Variants in RBPMS2 observed in about 807,000 individuals in gnomAD.
RBPMS2 encodes the protein RNA-binding protein with multiple splicing 2.
In RBPMS2, 14 loss-of-function variants were observed where a neutral mutation model predicts 25.7. The observed-to-expected ratio is 0.55, with a 90% CI of 0.36 to 0.85. RBPMS2 has a LOEUF of 0.85. Ranked by LOEUF, RBPMS2 falls within the 40% of genes least tolerant of loss-of-function variation. The probability of loss-of-function intolerance (pLI) is 0.01; values close to 1 mark genes in which losing one functional copy is unlikely to be tolerated. For missense variants in RBPMS2, 252 were observed against 283.4 expected, an observed-to-expected ratio of 0.89 and a Z score of 0.80; for synonymous variants, 127 against 115.6, an observed-to-expected ratio of 1.10 and a Z score of -0.63.
chr15:64,745,591 G>A (rs888648677), intron 6 of RBPMS2, among the ~76,000 whole-genome samples: 1 of 152,188 alleles, frequency 6.6e-6, no homozygotes, highest in Non-Finnish European at 1.5e-5. Flanking sequence ...TGGGAGGACC[G>A]TGGGATGCAA....
In RBPMS2 at chr15:64,749,073, G is replaced by C. The variant is rs777339070; in HGVS notation, c.345C>G (p.Ser115Arg). Reference protein sequence around the residue: ...FAKANTKMAKSKLMATPNPSN... With the variant: ...FAKANTKMAKRKLMATPNPSN... ...TGGGATTTGGAGTTGCCATTAGCTT[G>C]CTCTTGGCCATCTTGGTGTTGGCTT... The change falls in exon 5 of 8, where the codon AGC (serine) becomes AGG (arginine). Residue 115 changes from serine (S) to arginine (R), a missense_variant. Physicochemically the swap from Ser to Arg is moderately radical, Grantham distance 110 (BLOSUM62 -1). Transcript: ENST00000300069. 62 of 1,614,078 alleles carry C rather than the reference G, an allele frequency of 3.8e-5. No homozygotes were observed. The highest frequency in any genetic ancestry group is 5.2e-5 in the Non-Finnish European group (61 of 1,180,032).
rs1403981807 is a variant in RBPMS2 at position 64,775,519 on chromosome 15, G to A, written c.-200C>T. On this transcript the variant is annotated 5_prime_UTR_variant, in exon 1 of 8. Transcript: ENST00000300069. ...TGGCGGGTGCGGAAGGTGGGGAGGG[G>A]GTGCGGCGGGGGAGGCAGTGGGAGC... 2 of 314,484 alleles carry A rather than the reference G, an allele frequency of 6.4e-6. No individual in the cohort carries two copies. 19.5% of individuals were successfully genotyped at this position (314,484 alleles called of 1,614,324 possible).
Position 64,749,432 on chromosome 15 carries a change from T to C in RBPMS2, c.266A>G (p.Asn89Ser). 4 of 1,613,230 alleles carry C rather than the reference T, an allele frequency of 2.5e-6. No individual in the cohort carries two copies. The change falls in exon 4 of 8, where the codon AAC becomes AGC. Residue 89 changes from asparagine to serine, a missense_variant and splice_region_variant. By Grantham distance (46) the Asn-to-Ser change is conservative. Transcript: ENST00000300069. Reference protein sequence around the residue: ...AGAEAAKNALNGIRFDPENPQ... With the variant: ...AGAEAAKNALSGIRFDPENPQ... ...AAGACCTGTTCTCCACCTACTCACGTTCAGCGCATTCTTGGCCGCTTCTGC... is the reference window on the plus strand; with the variant it reads ...AAGACCTGTTCTCCACCTACTCACGCTCAGCGCATTCTTGGCCGCTTCTGC...
At chr15:64,759,151 C>T (rs1321861295) in intron 1 of RBPMS2, among the ~76,000 whole-genome samples, 1 of 152,098 alleles carries the variant, frequency 6.6e-6, no homozygotes, top group Admixed American at 6.6e-5. Context: ...ACTCCCAGCT[C>T]CAGCATCGTA....
At chr15:64,743,319 G>A (rs112861502) in intron 6 of RBPMS2, among the ~76,000 whole-genome samples, 2,114 of 152,318 alleles carry the variant, frequency 0.014, 18 homozygotes, top group Non-Finnish European at 0.02. Context: ...CTACACTCTC[G>A]CTACAAGGTG....
At chr15:64,760,724 C>G (rs2083775765) in intron 1 of RBPMS2, among the ~76,000 whole-genome samples, 1 of 151,996 alleles carries the variant, frequency 6.6e-6, no homozygotes, top group African/African-American at 2.4e-5. Flanking sequence ...ATCGCTTGAA[C>G]CCAGGAGACA....
intron 2 of RBPMS2, 35 bp from the exon 3 acceptor site, chr15:64,750,416 A>G: frequency 6.2e-7 from 1 of 1,600,342 alleles, no homozygotes. Flanking sequence ...GTGGAAGGTC[A>G]GAAGCGTATG....
chr15:64,767,227 C>T (rs765037154), intron 1 of RBPMS2, among the ~76,000 whole-genome samples: 3 of 151,926 alleles, frequency 2.0e-5, no homozygotes, highest in African/African-American at 7.3e-5. Context: ...AGCCTCCTGA[C>T]AGGCTGAGAC....
At chr15:64,757,282 T>C (rs1417541926) in intron 1 of RBPMS2, among the ~76,000 whole-genome samples, 2 of 152,086 alleles carry the variant, frequency 1.3e-5, no homozygotes, top group African/African-American at 4.8e-5. Flanking sequence ...CTCAGTTTCA[T>C]CTTCACAACA....
chr15:64,751,976 T>C (rs2083686666), intron 1 of RBPMS2, among the ~76,000 whole-genome samples: 1 of 151,568 alleles, frequency 6.6e-6, no homozygotes, highest in Non-Finnish European at 1.5e-5. Context: ...TTTTCTTTTT[T>C]TTTTTTGAGA....
intron 1 of RBPMS2, among the ~76,000 whole-genome samples, chr15:64,772,859 T>G (rs1372259500): frequency 1.3e-5 from 2 of 152,290 alleles, no homozygotes; most frequent in Admixed American, 6.5e-5. Flanking sequence ...ACTTGTATCC[T>G]TAACCCCTGG....
At position 64,755,542 on chromosome 15, in the gene RBPMS2, C is replaced by A. The variant is rs532978815; in HGVS notation, c.88-3904G>T. 4.6e-5 allele frequency among the ~76,000 whole-genome samples: 7 copies of A among 152,242 alleles called. No homozygotes were observed. The East Asian group carries it at 1.4e-3, about 29-fold the overall frequency. ...TGTCAACGGCACACAGCTGAGTTCA[C>A]GGAGGAGCAGGGCTCCTGAGACCAG... On this transcript the variant is annotated intron_variant, in intron 1 of 7. Coordinates refer to ENST00000300069, the MANE Select transcript of RBPMS2 (RefSeq NM_194272.3).
At chr15:64,767,387 A>G (rs1172730301) in intron 1 of RBPMS2, among the ~76,000 whole-genome samples, 1 of 152,232 alleles carries the variant, frequency 6.6e-6, no homozygotes, top group Non-Finnish European at 1.5e-5. Context: ...ACGTGACACC[A>G]GATGTCGCTG....
At chr15:64,774,973 G>A (rs1438512475) in intron 1 of RBPMS2, among the ~76,000 whole-genome samples, 1 of 150,792 alleles carries the variant, frequency 6.6e-6, no homozygotes, top group African/African-American at 2.4e-5. Flanking sequence ...ACCGCGGGAC[G>A]CCCGGACGGC....
chr15:64,754,310 T>C (rs1311331040), intron 1 of RBPMS2, among the ~76,000 whole-genome samples: 1 of 139,490 alleles, frequency 7.2e-6, no homozygotes, highest in Non-Finnish European at 1.5e-5. Context: ...AGACTCCATC[T>C]CAGAAAAAAA....
Sources: allele counts gnomAD v4.1 joint callset (sites outside exome capture counted in the v4.1 genomes callset), GRCh38; gene constraint gnomAD v4.1.1; transcripts MANE v1.5; gene names NCBI Gene and HGNC (gene_info 2026-07-23, HGNC 2026-07-21).